Variants in TEX2 observed in about 807,000 individuals in gnomAD.
The protein encoded by TEX2 is testis expressed 2, also known as testis-expressed protein 2.
TEX2 carries 53 observed loss-of-function variants against 106.9 expected under a neutral mutation model. The observed-to-expected ratio is 0.50, with a 90% CI of 0.40 to 0.62. The LOEUF (loss-of-function observed/expected upper bound fraction) is 0.62. Ranked by LOEUF, TEX2 falls within the 20% of genes least tolerant of loss-of-function variation. The probability of loss-of-function intolerance (pLI) is 0.00; values close to 1 mark genes in which losing one functional copy is unlikely to be tolerated. For missense variants in TEX2, 1,207 were observed against 1,379.0 expected (o/e 0.88, Z 1.98); for synonymous variants, 523 against 534.8 (o/e 0.98, Z 0.30).
chr17:64,261,991 A>G (rs2034294759), intron 1 of TEX2, among the ~76,000 whole-genome samples: 1 of 152,096 alleles, frequency 6.6e-6, no homozygotes, highest in Admixed American at 6.5e-5. Context: ...CCTGCCCTCC[A>G]TTTTTCCTTA....
At chr17:64,241,935 C>G (rs976525993) in intron 1 of TEX2, among the ~76,000 whole-genome samples, 2 of 152,154 alleles carry the variant, frequency 1.3e-5, no homozygotes, top group Non-Finnish European at 2.9e-5. Flanking sequence ...ACCTGGCTCT[C>G]TCTTTATTTT....
In TEX2 at chr17:64,185,257, A is replaced by G. The variant is rs12940427; in HGVS notation, c.2424+2911T>C. Reference sequence around the variant, plus strand: ...TTGAAATGGAGAGTGGAAGTGCCTTATGCAACCTGAACACCAGAGCCTCAC... The same window carrying G: ...TTGAAATGGAGAGTGGAAGTGCCTTGTGCAACCTGAACACCAGAGCCTCAC... On this transcript the variant is annotated intron_variant, in intron 5 of 11. Coordinates refer to ENST00000584379, the MANE Select transcript of TEX2 (RefSeq NM_001288732.2). The surrounding 1 kb of genome is among the most constrained non-coding windows in gnomAD (Gnocchi z 4.0). Among the ~76,000 whole-genome samples the G allele has an allele frequency of 0.13, 19,461 of 152,128 alleles. 1,537 individuals are homozygous for G. Among genetic ancestry groups the G allele is most frequent in the African/African-American group, 0.21 (8,552 of 41,458 alleles).
At chr17:64,247,494 C>T (rs2143453772) in intron 1 of TEX2, among the ~76,000 whole-genome samples, 1 of 151,860 alleles carries the variant, frequency 6.6e-6, no homozygotes, top group South Asian at 2.1e-4. Flanking sequence ...CAAAGGTCTT[C>T]TAGGATTTGA....
intron 2 of TEX2, among the ~76,000 whole-genome samples, chr17:64,212,197 C>T (rs1203496837): frequency 6.6e-6 from 1 of 152,190 alleles, no homozygotes; most frequent in Admixed American, 6.5e-5. Context: ...CCTCCTCTTG[C>T]AATTCCGGGA....
chr17:64,257,026 G>A (rs983496905), intron 1 of TEX2, among the ~76,000 whole-genome samples: 3 of 152,186 alleles, frequency 2.0e-5, no homozygotes, highest in South Asian at 2.1e-4. Flanking sequence ...GCAATCCAAC[G>A]GGTAGGTTTT....
At chr17:64,165,565 G>A (rs904204080) in intron 7 of TEX2, among the ~76,000 whole-genome samples, 1 of 152,266 alleles carries the variant, frequency 6.6e-6, no homozygotes, top group Non-Finnish European at 1.5e-5. Flanking sequence ...AGCCCCAGTG[G>A]CTGTAGCTGC....
Position 64,213,108 on chromosome 17 carries a change from T to C in TEX2, c.1110A>G (p.Pro370=), listed in dbSNP as rs2033060032. 2 of 1,614,206 alleles carry C rather than the reference T, an allele frequency of 1.2e-6. No individual in the cohort carries two copies. The highest frequency in any genetic ancestry group is 1.1e-5 in the South Asian group (1 of 91,080). The part of the protein sequence containing the change: ...SDSNIPRSDH[P]KSTGEPTREI... ...CTCTTGTGGGCTCACCAGTGGACTT[T>C]GGGTGGTCACTTCTGGGGATGTTGG... The change falls in exon 2 of 12, where the codon CCA becomes CCG. Residue 370 remains proline (P), a synonymous_variant. Coordinates refer to ENST00000584379, the MANE Select transcript of TEX2 (RefSeq NM_001288732.2). The surrounding 1 kb of genome is among the most constrained non-coding windows in gnomAD (Gnocchi z 4.4).
chr17:64,178,041 T>C (rs201073470), intron 5 of TEX2, among the ~76,000 whole-genome samples: 1 of 152,216 alleles, frequency 6.6e-6, no homozygotes, highest in East Asian at 1.9e-4. Context: ...GGTAATGTAA[T>C]GAACAGGCAA....
chr17:64,232,471 G>T (rs782013455), intron 1 of TEX2, among the ~76,000 whole-genome samples: 3 of 152,016 alleles, frequency 2.0e-5, no homozygotes, highest in Non-Finnish European at 2.9e-5. Flanking sequence ...ATTTATAAGG[G>T]GTTCATAATG....
chr17:64,220,994 A>G (rs1555633227), intron 1 of TEX2, among the ~76,000 whole-genome samples: 1 of 152,232 alleles, frequency 6.6e-6, no homozygotes, highest in Non-Finnish European at 1.5e-5. Context: ...AATGTGGTAT[A>G]TATACACCAT....
intron 7 of TEX2, among the ~76,000 whole-genome samples, chr17:64,162,178 G>A (rs571743948): frequency 1.3e-5 from 2 of 152,146 alleles, no homozygotes; most frequent in Non-Finnish European, 2.9e-5. Flanking sequence ...TCACAAAACT[G>A]TTGTATTTCT....
chr17:64,252,177 C>T (rs1234897840), intron 1 of TEX2, among the ~76,000 whole-genome samples: 1 of 152,204 alleles, frequency 6.6e-6, no homozygotes, highest in Non-Finnish European at 1.5e-5. Flanking sequence ...GGGACAAGGG[C>T]ATGGAACATG....
At chr17:64,207,692 T>A (rs1256235723) in intron 2 of TEX2, among the ~76,000 whole-genome samples, 3 of 151,844 alleles carry the variant, frequency 2.0e-5, no homozygotes, top group Non-Finnish European at 4.4e-5. Context: ...CTGGAACTCA[T>A]CACTGCCCAC....
intron 2 of TEX2, among the ~76,000 whole-genome samples, chr17:64,204,318 C>G (rs1372190817): frequency 6.6e-6 from 1 of 152,136 alleles, no homozygotes; most frequent in Non-Finnish European, 1.5e-5. Flanking sequence ...TTTAGTTTTT[C>G]CAGTATGACA....
At chr17:64,191,831 A>G (rs867393867) in intron 4 of TEX2, among the ~76,000 whole-genome samples, 4 of 71,464 alleles carry the variant, frequency 5.6e-5, no homozygotes, top group Admixed American at 1.8e-4. Flanking sequence ...AAAAAAAAAA[A>G]AAAAAAAAAA....
In TEX2 at chr17:64,148,800, A is replaced by T; in HGVS notation, c.*169T>A. 2 of 743,804 alleles carry T rather than the reference A, an allele frequency of 2.7e-6. No individual in the cohort carries two copies. The highest frequency in any genetic ancestry group is 4.2e-6 in the Non-Finnish European group (2 of 475,678). The allele number at this position is 743,804 out of a possible 1,614,324, so 46.1% of individuals were successfully genotyped here. On this transcript the variant is annotated 3_prime_UTR_variant, in exon 12 of 12. Transcript: ENST00000584379. The stretch of plus-strand genomic sequence containing the variant: ...AATCCAGACAGTTGTCACTAGATGC[A>T]GGGAATGACACCTCACAGTGGAATG...
chr17:64,203,107 G>A (rs1206215417), intron 2 of TEX2, among the ~76,000 whole-genome samples: 1 of 152,194 alleles, frequency 6.6e-6, no homozygotes, highest in Non-Finnish European at 1.5e-5. Flanking sequence ...CGTGCTTTCA[G>A]TTACAGTGCC....
intron 2 of TEX2, among the ~76,000 whole-genome samples, chr17:64,211,545 A>T (rs1231607827): frequency 6.6e-6 from 1 of 152,246 alleles, no homozygotes; most frequent in Non-Finnish European, 1.5e-5. Flanking sequence ...ATACAAATTT[A>T]AAAATACAGC....
At chr17:64,247,501 TTGAGGGGA>T (rs1375652986) in intron 1 of TEX2, among the ~76,000 whole-genome samples, 1 of 151,150 alleles carries the variant, frequency 6.6e-6, no homozygotes, top group East Asian at 1.9e-4. Context: ...CTTCTAGGAT[TTGAGGGGA>T]GTGGGGCTAG....
Sources: gnomAD v4.1 joint callset for allele counts (sites outside exome capture counted in the v4.1 genomes callset) on GRCh38, gnomAD v4.1.1 for gene constraint, Gnocchi (gnomAD v3.1) non-coding constraint, MANE v1.5 for transcripts, NCBI Gene and HGNC (gene_info 2026-07-23, HGNC 2026-07-21) for gene names.